The following PAFAH1B1 variants were observed in gnomAD, a reference collection of about 807,000 sequenced individuals.
The protein encoded by PAFAH1B1 is platelet activating factor acetylhydrolase 1b regulatory subunit 1, also known as platelet-activating factor acetylhydrolase IB subunit beta.
A neutral mutation model predicts 57.5 loss-of-function variants in PAFAH1B1; 2 were observed. The observed-to-expected ratio is 0.03, with a 90% CI of 0.01 to 0.11. The LOEUF (loss-of-function observed/expected upper bound fraction) is 0.11, where lower values mean the gene tolerates loss of function less well. Among genes scored for constraint, PAFAH1B1 ranks in the 10% least tolerant of loss-of-function variants. The pLI is 1.00. For missense variants in PAFAH1B1, 257 were observed against 512.0 expected (o/e 0.50, Z 4.81); for synonymous variants, 152 against 169.6 (o/e 0.90, Z 0.81).
chr17:2,670,501 C>A, intron 6 of PAFAH1B1, 170 bp downstream of exon 6: 1 of 641,814 alleles, frequency 1.6e-6, no homozygotes, highest in South Asian at 1.9e-5. Context: ...GTTGAGAGTG[C>A]TTTCTATTAG....
At chr17:2,601,920 A>G (rs1183716872) in intron 1 of PAFAH1B1, among the ~76,000 whole-genome samples, 1 of 152,226 alleles carries the variant, frequency 6.6e-6, no homozygotes, top group Non-Finnish European at 1.5e-5. Flanking sequence ...AAGTTGACAA[A>G]TGTAGAAATG....
intron 1 of PAFAH1B1, among the ~76,000 whole-genome samples, chr17:2,624,309 C>A (rs1371385482): frequency 6.6e-6 from 1 of 152,200 alleles, no homozygotes; most frequent in Non-Finnish European, 1.5e-5. Context: ...TGCCTGTTAC[C>A]CACTTCCAAA....
chr17:2,614,030 T>TTTTTG (rs1046824705), intron 1 of PAFAH1B1: 7 of 143,900 alleles, frequency 4.9e-5, no homozygotes, highest in Non-Finnish European at 7.4e-5. Flanking sequence ...GGTTTTTTTT[T>TTTTTG]TTTTTTTTTT....
At chr17:2,594,083 C>T (rs1189315749) in intron 1 of PAFAH1B1, 77 bp downstream of exon 1, 1 of 397,052 alleles carries the variant, frequency 2.5e-6, no homozygotes, top group Non-Finnish European at 4.4e-6. Context: ...GACCCGGCGG[C>T]CTGACGATGT....
At chr17:2,640,288 A>T (rs1293490429) in intron 2 of PAFAH1B1, 1 of 151,504 alleles carries the variant, frequency 6.6e-6, no homozygotes, top group Non-Finnish European at 1.5e-5. Flanking sequence ...TTACTCTCGT[A>T]CATCATCCCA....
At chr17:2,674,332 T>G (rs370145026) in intron 8 of PAFAH1B1, 44 bp downstream of exon 8, 1 of 1,428,888 alleles carries the variant, frequency 7.0e-7, no homozygotes, top group Non-Finnish European at 9.9e-7. Flanking sequence ...TGCTGATATC[T>G]GAAGTCCTTA....
chr17:2,660,500 G>A (rs1431319697), intron 2 of PAFAH1B1, among the ~76,000 whole-genome samples: 2 of 152,110 alleles, frequency 1.3e-5, no homozygotes, highest in African/African-American at 2.4e-5. Flanking sequence ...GAGAGCATGC[G>A]GTGCTTGGTT....
intron 2 of PAFAH1B1, among the ~76,000 whole-genome samples, chr17:2,649,964 G>GTA (rs2068826433): frequency 6.6e-6 from 1 of 152,166 alleles, no homozygotes; most frequent in Non-Finnish European, 1.5e-5. Flanking sequence ...CAGAATAACA[G>GTA]TATAAAGTGG....
intron 1 of PAFAH1B1, among the ~76,000 whole-genome samples, chr17:2,619,608 C>T (rs1373670682): frequency 2.0e-5 from 3 of 151,500 alleles, no homozygotes; most frequent in Non-Finnish European, 4.4e-5. Context: ...AAGTTCAGAA[C>T]TAATTGTAAT....
intron 1 of PAFAH1B1, among the ~76,000 whole-genome samples, chr17:2,609,312 C>T (rs1028807817): frequency 3.3e-5 from 5 of 149,262 alleles, no homozygotes; most frequent in East Asian, 2.0e-4. Flanking sequence ...GCCCGGCTCC[C>T]GCTGCCTGCC....
At chr17:2,607,340 AT>A (rs893833513) in intron 1 of PAFAH1B1, among the ~76,000 whole-genome samples, 1 of 148,096 alleles carries the variant, frequency 6.8e-6, no homozygotes, top group South Asian at 2.1e-4. Context: ...TGCCCGGCTG[AT>A]TTTTTTTTGT....
chr17:2,682,374 A>C lies in PAFAH1B1; in HGVS notation c.*572A>C. On this transcript the variant is annotated 3_prime_UTR_variant, in exon 11 of 11. Transcript: ENST00000397195. ...AATTTTTGTCATGACACATTTGCCA[A>C]ATCAGTAGGATATATTTGTTTTGGC... 6.5e-6 allele frequency: 1 copy of C among 152,688 alleles called. No individual in the cohort carries two copies. The highest frequency in any genetic ancestry group is 1.5e-5 in the Non-Finnish European group (1 of 68,072). The allele number at this position is 152,688 out of a possible 1,614,324, so 9.5% of individuals were successfully genotyped here.
intron 1 of PAFAH1B1, among the ~76,000 whole-genome samples, chr17:2,635,953 C>CAAA (rs560825633): frequency 2.8e-5 from 2 of 70,876 alleles, no homozygotes; most frequent in Admixed American, 1.5e-4. Flanking sequence ...TAGAAAAATA[C>CAAA]AAAAAAAAAA....
intron 1 of PAFAH1B1, among the ~76,000 whole-genome samples, chr17:2,596,360 T>A (rs1338227761): frequency 6.6e-6 from 1 of 152,204 alleles, no homozygotes; most frequent in Non-Finnish European, 1.5e-5. Flanking sequence ...CTTAAAACAG[T>A]AAATCTATTT....
chr17:2,658,495 A>T (rs554273329), intron 2 of PAFAH1B1, among the ~76,000 whole-genome samples: 2 of 152,290 alleles, frequency 1.3e-5, no homozygotes, highest in South Asian at 4.1e-4. Flanking sequence ...AGTGTGATAT[A>T]CTTAACTGGT....
intron 1 of PAFAH1B1, chr17:2,635,435 T>A (rs1020944728): frequency 6.6e-6 from 1 of 152,152 alleles, no homozygotes; most frequent in Admixed American, 6.6e-5. Context: ...ACAATCATGG[T>A]TCACTGCAGC....
At position 2,665,424 on chromosome 17, in the gene PAFAH1B1, T is replaced by A; in HGVS notation, c.85T>A (p.Ser29Thr). Residue 29 changes from serine (S) to threonine (T), a missense_variant, in exon 3 of 11, where the codon TCA becomes ACA. Transcript: ENST00000397195. ...TTCAAATGGCTATGAAGAGGCATAT[T>A]CAGTTTTTAAAAAGGAAGCTGAATT... ...LRSNGYEEAY[S>T]VFKKEAELDV... 6.2e-7 allele frequency: 1 copy of A among 1,607,574 alleles called. No individual in the cohort carries two copies. The highest frequency in any genetic ancestry group is 8.5e-7 in the Non-Finnish European group (1 of 1,175,142).
At chr17:2,667,612 T>C in intron 5 of PAFAH1B1, 2 of 233,012 alleles carry the variant, frequency 8.6e-6, no homozygotes, top group East Asian at 1.1e-4. Context: ...AGTGTGTGTC[T>C]TACCTTTAAA....
intron 1 of PAFAH1B1, among the ~76,000 whole-genome samples, chr17:2,623,404 G>T (rs2068448985): frequency 6.6e-6 from 1 of 150,732 alleles, no homozygotes; most frequent in African/African-American, 2.4e-5. Context: ...GACTACAGGT[G>T]ACCACCACCA....
Sources: allele counts gnomAD v4.1 joint callset (sites outside exome capture counted in the v4.1 genomes callset), GRCh38; gene constraint gnomAD v4.1.1; transcripts MANE v1.5; gene names NCBI Gene and HGNC (gene_info 2026-07-23, HGNC 2026-07-21).